The following CHMP4C variants were observed in gnomAD, a reference collection of about 807,000 sequenced individuals.
CHMP4C encodes SNF7 homolog associated with Alix 3.
CHMP4C carries 28 observed loss-of-function variants against 29.0 expected under a neutral mutation model. The observed-to-expected ratio is 0.97, with a 90% CI of 0.72 to 1.32. CHMP4C has a LOEUF of 1.32. CHMP4C is among the 40% of genes most tolerant of loss of function. CHMP4C has a pLI of 0.00. For synonymous variants in CHMP4C, 106 were observed against 102.4 expected (o/e 1.04, Z -0.21); for missense variants, 291 against 281.0 (o/e 1.04, Z -0.25).
intron 1 of CHMP4C, among the ~76,000 whole-genome samples, chr8:81,741,514 A>T (rs1178442532): frequency 2.0e-5 from 3 of 152,132 alleles, no homozygotes; most frequent in Non-Finnish European, 4.4e-5. Context: ...ATTTTTTAAG[A>T]TAAAAGTACC....
intron 1 of CHMP4C, among the ~76,000 whole-genome samples, chr8:81,751,449 G>A (rs942560890): frequency 1.6e-4 from 25 of 152,170 alleles, no homozygotes; most frequent in African/African-American, 5.5e-4. Context: ...AGGGTTTGGA[G>A]TGGGAAGGGA....
Position 81,732,495 on chromosome 8 carries a change from T to C in CHMP4C, c.-132T>C. 1.6e-6 allele frequency: 1 copy of C among 639,244 alleles called. No homozygotes were observed. The highest frequency in any genetic ancestry group is 2.7e-6 in the Non-Finnish European group (1 of 367,686). The allele number at this position is 639,244 out of a possible 1,614,324, so 39.6% of individuals were successfully genotyped here. ...TGTGTCACCTGTCCAGGACGACTTG[T>C]TGATTCCCAGGAGGGCCGCCTTTCC... is the stretch of plus-strand genomic sequence containing the variant. On this transcript the variant is annotated 5_prime_UTR_variant, in exon 1 of 5. Transcript: ENST00000297265.
In CHMP4C at chr8:81,746,183, A is replaced by G. The variant is rs539122963; in HGVS notation, c.191-6881A>G. On this transcript the variant is annotated intron_variant, in intron 1 of 4. Transcript: ENST00000297265. ...GCTTAACGTGCCAGGCAGAAATCAT[A>G]GTAAATGTCAGGTATCCTAGGACCT... 2.6e-5 allele frequency among the ~76,000 whole-genome samples: 4 copies of G among 152,320 alleles called. No homozygotes were observed. The East Asian group carries it at 7.7e-4, about 29-fold the overall frequency.
intron 2 of CHMP4C, 69 bp downstream of exon 2, chr8:81,753,310 T>C: frequency 8.0e-7 from 1 of 1,245,852 alleles, no homozygotes; most frequent in South Asian, 2.0e-5. Flanking sequence ...TGGAACCATA[T>C]GATGGTTTTG....
rs117856715 is a variant in CHMP4C at position 81,738,466 on chromosome 8, T to A, written c.190+5650T>A. On this transcript the variant is annotated intron_variant, in intron 1 of 4. Coordinates refer to ENST00000297265, the MANE Select transcript of CHMP4C (RefSeq NM_152284.4). The stretch of plus-strand genomic sequence containing the variant: ...GATGAATTTGTTTTCAGAATCATGA[T>A]GTGGACTTGATCTTCTTTGGAGAGA... Among the ~76,000 whole-genome samples, 775 of 152,344 alleles carry A rather than the reference T, an allele frequency of 5.1e-3. 5 individuals are homozygous for A. The highest frequency in any genetic ancestry group is 9.7e-3 in the Non-Finnish European group (657 of 68,034).
At chr8:81,747,390 G>T (rs756681174) in intron 1 of CHMP4C, among the ~76,000 whole-genome samples, 1 of 151,680 alleles carries the variant, frequency 6.6e-6, no homozygotes, top group African/African-American at 2.4e-5. Context: ...GTACCCGTTC[G>T]GTTCCAAATA....
At chr8:81,751,870 A>C (rs988663092) in intron 1 of CHMP4C, among the ~76,000 whole-genome samples, 7 of 152,118 alleles carry the variant, frequency 4.6e-5, no homozygotes, top group African/African-American at 4.8e-5. Context: ...AGAATAAAAC[A>C]ATGTTGAAAT....
In CHMP4C at chr8:81,756,856, C is replaced by T. The variant is rs114149364; in HGVS notation, c.484-1286C>T. 5.7e-3 allele frequency among the ~76,000 whole-genome samples: 862 copies of T among 152,232 alleles called. 15 individuals are homozygous for T. The highest frequency in any genetic ancestry group is 0.02 in the African/African-American group (814 of 41,544). On this transcript the variant is annotated intron_variant, in intron 3 of 4. Coordinates refer to ENST00000297265, the MANE Select transcript of CHMP4C (RefSeq NM_152284.4). ...GATTGTTTTGTGAGCAGAAATAGGA[C>T]GCCAGGGTATTCATTCTGTTCCATT...
chr8:81,754,374 A>G (rs1808945375), intron 2 of CHMP4C, among the ~76,000 whole-genome samples: 1 of 152,104 alleles, frequency 6.6e-6, no homozygotes, highest in Non-Finnish European at 1.5e-5. Flanking sequence ...TTTTAAAAAT[A>G]TATTTGTTTT....
At position 81,747,968 on chromosome 8, in the gene CHMP4C, G is replaced by A. The variant is rs865794154; in HGVS notation, c.191-5096G>A. ...TTTCCTCTTCCTAATAAGCCTGGGAGCGCTATGGGAGACCGGAGTCTATCT... is the reference window on the plus strand; with the variant it reads ...TTTCCTCTTCCTAATAAGCCTGGGAACGCTATGGGAGACCGGAGTCTATCT... On this transcript the variant is annotated intron_variant, in intron 1 of 4. Transcript: ENST00000297265. Among the ~76,000 whole-genome samples the A allele has an allele frequency of 3.9e-4, 59 of 152,250 alleles. 1 individual carries two copies. The Middle Eastern group carries it at 0.027, about 70-fold the overall frequency.
Position 81,758,852 on chromosome 8 carries a change from T to C in CHMP4C, c.*308T>C. 1 of 217,534 alleles carries C rather than the reference T, an allele frequency of 4.6e-6. No homozygotes were observed. The highest frequency in any genetic ancestry group is 9.4e-5 in the South Asian group (1 of 10,634). The allele number at this position is 217,534 out of a possible 1,614,324, so 13.5% of individuals were successfully genotyped here. On this transcript the variant is annotated 3_prime_UTR_variant, in exon 5 of 5. Coordinates refer to ENST00000297265, the MANE Select transcript of CHMP4C (RefSeq NM_152284.4). The stretch of plus-strand genomic sequence containing the variant: ...CCTGTCTGTACTAAAAATACAAAAA[T>C]TAGCCGGACATGGTGGCAGGCACCT...
intron 1 of CHMP4C, among the ~76,000 whole-genome samples, chr8:81,750,777 G>GAGTGATA (rs936437337): frequency 2.8e-4 from 43 of 152,024 alleles, no homozygotes; most frequent in African/African-American, 9.9e-4. Context: ...GAGGAGAAAA[G>GAGTGATA]AGTGATAAAA....
chr8:81,746,340 G>A (rs1808822390), intron 1 of CHMP4C, among the ~76,000 whole-genome samples: 1 of 152,160 alleles, frequency 6.6e-6, no homozygotes, highest in Non-Finnish European at 1.5e-5. Flanking sequence ...TGGTAGGCTG[G>A]GACTACAGGT....
intron 1 of CHMP4C, among the ~76,000 whole-genome samples, chr8:81,741,461 T>C (rs2130479272): frequency 6.6e-6 from 1 of 152,298 alleles, no homozygotes; most frequent in Non-Finnish European, 1.5e-5. Flanking sequence ...TGCTTAGTAC[T>C]ACTAGTTTAT....
chr8:81,745,844 G>C (rs368974827), intron 1 of CHMP4C, among the ~76,000 whole-genome samples: 2 of 152,266 alleles, frequency 1.3e-5, no homozygotes, highest in South Asian at 2.1e-4. Flanking sequence ...GGTCTCATCA[G>C]CTGCTTAAAA....
At chr8:81,754,976 A>G (rs2291490) in intron 2 of CHMP4C, among the ~76,000 whole-genome samples, 14,675 of 152,090 alleles carry the variant, frequency 0.096, 915 homozygotes, top group East Asian at 0.24. Context: ...GGGCTCCTAA[A>G]AGCTGCCAAA....
chr8:81,738,306 C>T (rs557608707), intron 1 of CHMP4C, among the ~76,000 whole-genome samples: 22 of 152,164 alleles, frequency 1.4e-4, no homozygotes, highest in Non-Finnish European at 3.1e-4. Flanking sequence ...TCATTACACA[C>T]GATTCCAGTG....
At chr8:81,739,253 A>C (rs1159817276) in intron 1 of CHMP4C, among the ~76,000 whole-genome samples, 1 of 151,282 alleles carries the variant, frequency 6.6e-6, no homozygotes, top group South Asian at 2.1e-4. Flanking sequence ...TGCGCCACCA[A>C]GCCCAGCTAT....
At chr8:81,733,767 C>G (rs1462353466) in intron 1 of CHMP4C, among the ~76,000 whole-genome samples, 1 of 152,168 alleles carries the variant, frequency 6.6e-6, no homozygotes, top group South Asian at 2.1e-4. Context: ...TCTTGTAACA[C>G]CGGGTTCATG....
Sources: allele counts gnomAD v4.1 joint callset (sites outside exome capture counted in the v4.1 genomes callset), GRCh38; gene constraint gnomAD v4.1.1; transcripts MANE v1.5; gene names NCBI Gene and HGNC (gene_info 2026-07-23, HGNC 2026-07-21).